Variants in MEGF10 observed in about 807,000 individuals in gnomAD.
MEGF10 encodes the protein multiple EGF like domains 10.
Under a neutral mutation model 147.5 loss-of-function variants are expected in MEGF10, and 86 were observed. That is an observed-to-expected ratio of 0.58 (90% confidence interval 0.49 to 0.70). The LOEUF (loss-of-function observed/expected upper bound fraction) is 0.70. Among genes scored for constraint, MEGF10 ranks in the 30% least tolerant of loss-of-function variants. MEGF10 has a pLI of 0.00. For missense variants in MEGF10, 1,329 were observed against 1,487.3 expected (o/e 0.89, Z 1.75); for synonymous variants, 478 against 525.5 (o/e 0.91, Z 1.24).
chr5:127,366,451 ATATT>A (rs757767492), intron 4 of MEGF10, among the ~76,000 whole-genome samples: 3 of 152,218 alleles, frequency 2.0e-5, no homozygotes, highest in Non-Finnish European at 2.9e-5. Context: ...CATCCCAACA[ATATT>A]TCTCATCATT....
chr5:127,266,581 T>C, the MEGF10 span, among the ~76,000 whole-genome samples: 1 of 152,222 alleles, frequency 6.6e-6, no homozygotes, highest in Non-Finnish European at 1.5e-5. Flanking sequence ...TTTGTTTGTA[T>C]CCTCTTTTAT....
At chr5:127,235,105 C>G in the MEGF10 span, among the ~76,000 whole-genome samples, 1 of 152,184 alleles carries the variant, frequency 6.6e-6, no homozygotes, top group Non-Finnish European at 1.5e-5. Flanking sequence ...CTTGGCCTCC[C>G]AAAGTGCTGG....
At chr5:127,407,012 C>G (rs1764359002) in intron 8 of MEGF10, among the ~76,000 whole-genome samples, 1 of 152,098 alleles carries the variant, frequency 6.6e-6, no homozygotes, top group Non-Finnish European at 1.5e-5. Context: ...TCCAAAACAG[C>G]TCTGCCAAGT....
At chr5:127,401,812 T>A (rs991655434) in intron 7 of MEGF10, among the ~76,000 whole-genome samples, 22 of 152,226 alleles carry the variant, frequency 1.4e-4, no homozygotes, top group African/African-American at 5.1e-4. Flanking sequence ...ATATAATGAC[T>A]GTGCTTGACA....
At chr5:127,380,588 G>A (rs1763215192) in intron 5 of MEGF10, among the ~76,000 whole-genome samples, 1 of 151,614 alleles carries the variant, frequency 6.6e-6, no homozygotes, top group African/African-American at 2.4e-5. Context: ...CGCAATCTTG[G>A]CTCACTGCAA....
intron 5 of MEGF10, among the ~76,000 whole-genome samples, chr5:127,395,822 G>A (rs953621022): frequency 2.6e-5 from 4 of 152,078 alleles, no homozygotes; most frequent in African/African-American, 9.7e-5. Flanking sequence ...GGGATTACAG[G>A]CGTGAGCCAC....
At chr5:127,271,469 T>A in the MEGF10 span, among the ~76,000 whole-genome samples, 1 of 152,216 alleles carries the variant, frequency 6.6e-6, no homozygotes, top group African/African-American at 2.4e-5. Flanking sequence ...CTTTGTCAGG[T>A]GCATAGATTG....
intron 9 of MEGF10, among the ~76,000 whole-genome samples, chr5:127,412,739 A>G (rs1188070728): frequency 1.3e-5 from 2 of 152,198 alleles, no homozygotes; most frequent in Non-Finnish European, 2.9e-5. Flanking sequence ...TAAAATAACA[A>G]TTATTTACTA....
At chr5:127,335,495 GA>G (rs1182200552) in intron 2 of MEGF10, among the ~76,000 whole-genome samples, 1 of 152,162 alleles carries the variant, frequency 6.6e-6, no homozygotes, top group East Asian at 1.9e-4. Context: ...GCCCATTCTT[GA>G]AGACACTTTT....
intron 1 of MEGF10, among the ~76,000 whole-genome samples, chr5:127,292,366 T>C (rs894450345): frequency 1.3e-5 from 2 of 152,256 alleles, no homozygotes; most frequent in African/African-American, 4.8e-5. Flanking sequence ...AGTAAGTTAA[T>C]GCATGTGAAG....
At chr5:127,254,163 AG>A in the MEGF10 span, among the ~76,000 whole-genome samples, 1 of 151,988 alleles carries the variant, frequency 6.6e-6, no homozygotes, top group Non-Finnish European at 1.5e-5. Flanking sequence ...TTTCTTTTTC[AG>A]TTTTGAATAT....
chr5:127,389,258 A>G (rs141494907), intron 5 of MEGF10, among the ~76,000 whole-genome samples: 2 of 152,352 alleles, frequency 1.3e-5, no homozygotes, highest in Non-Finnish European at 2.9e-5. Flanking sequence ...AATGGTTACT[A>G]TTAAAAAGTC....
At chr5:127,365,665 C>T (rs1327945579) in intron 4 of MEGF10, among the ~76,000 whole-genome samples, 1 of 152,186 alleles carries the variant, frequency 6.6e-6, no homozygotes. Flanking sequence ...CCCTGTGCAG[C>T]TTGCTGTGTC....
intron 5 of MEGF10, among the ~76,000 whole-genome samples, chr5:127,377,821 A>G (rs756007278): frequency 5.3e-5 from 8 of 152,214 alleles, no homozygotes; most frequent in Non-Finnish European, 1.0e-4. Flanking sequence ...CGCTGCAGTC[A>G]TTAACAGGCC....
upstream of MEGF10, among the ~76,000 whole-genome samples, chr5:127,288,534 C>A (rs1021907479): frequency 6.6e-6 from 1 of 152,070 alleles, no homozygotes; most frequent in Non-Finnish European, 1.5e-5. Flanking sequence ...AAATTAAAAC[C>A]ACGATGTGAT....
At chr5:127,410,328 CTGTT>C in intron 8 of MEGF10, 57 bp from the exon 9 acceptor site, 1 of 1,500,170 alleles carries the variant, frequency 6.7e-7, no homozygotes, top group African/African-American at 1.4e-5. Context: ...TCCAAATTAA[CTGTT>C]TATTTTCACA....
chr5:127,441,017 C>A, intron 18 of MEGF10, 150 bp downstream of exon 18: 1 of 1,021,344 alleles, frequency 9.8e-7, no homozygotes, highest in East Asian at 2.6e-5. Context: ...GACTTCCCCT[C>A]CCAGAGGTCA....
chr5:127,301,299 T>C (rs569230001), intron 1 of MEGF10, among the ~76,000 whole-genome samples: 1 of 152,330 alleles, frequency 6.6e-6, no homozygotes, highest in Admixed American at 6.5e-5. Context: ...TATATTATAC[T>C]AAAGTGAGCC....
intron 7 of MEGF10, among the ~76,000 whole-genome samples, chr5:127,399,949 G>T (rs1174027820): frequency 6.6e-6 from 1 of 152,056 alleles, no homozygotes; most frequent in Non-Finnish European, 1.5e-5. Context: ...ATTTATATTT[G>T]TCACCCCAAC....
Sources: allele counts gnomAD v4.1 joint callset (sites outside exome capture counted in the v4.1 genomes callset), GRCh38; gene constraint gnomAD v4.1.1; transcripts MANE v1.5; gene names NCBI Gene and HGNC (gene_info 2026-07-23, HGNC 2026-07-21).